The following TYW1B variants were observed in gnomAD, a reference collection of about 807,000 sequenced individuals.
The protein encoded by TYW1B is S-adenosyl-L-methionine-dependent tRNA 4-demethylwyosine synthase TYW1B.
TYW1B carries 73 observed loss-of-function variants against 86.9 expected under a neutral mutation model. That is an observed-to-expected ratio of 0.84 (90% CI 0.70 to 1.02). The LOEUF (loss-of-function observed/expected upper bound fraction) is 1.02. Among genes scored for constraint, TYW1B ranks in the 50% least tolerant of loss-of-function variants. The pLI is 0.00. For missense variants in TYW1B, 637 were observed against 827.4 expected, an observed-to-expected ratio of 0.77 and a Z score of 2.82; for synonymous variants, 248 against 292.8, an observed-to-expected ratio of 0.85 and a Z score of 1.56.
In TYW1B at chr7:72,706,352, G is replaced by A. The variant is rs1554453637; in HGVS notation, c.1370+7269C>T. ...TGAGGCAGGAGAATCACTTGAACCC[G>A]GGAAGTGGAGGTTGTGGTGAGCCGA... On this transcript the variant is annotated intron_variant, in intron 10 of 13. Coordinates refer to ENST00000620995, the MANE Select transcript of TYW1B (RefSeq NM_001145440.3). 4.0e-5 allele frequency among the ~76,000 whole-genome samples: 6 copies of A among 150,118 alleles called. No individual in the cohort carries two copies. The East Asian group carries it at 5.9e-4, about 15-fold the overall frequency.
In TYW1B at chr7:72,793,819, T is replaced by C. The variant is rs567506792; in HGVS notation, c.846+8581A>G. Among the ~76,000 whole-genome samples, 44 of 150,784 alleles carry C rather than the reference T, an allele frequency of 2.9e-4. No individual in the cohort carries two copies. The South Asian group carries it at 6.9e-3, about 24-fold the overall frequency. On this transcript the variant is annotated intron_variant, in intron 6 of 13. Coordinates refer to ENST00000620995, the MANE Select transcript of TYW1B (RefSeq NM_001145440.3). Reference sequence around the variant, plus strand: ...GAAAGAGTAGAGAGCATGGAGGTAATGAGAGAGGGTTTTTGAAGACTTCTC... The same window carrying C: ...GAAAGAGTAGAGAGCATGGAGGTAACGAGAGAGGGTTTTTGAAGACTTCTC...
At chr7:72,675,163 C>T (rs1470448300) in intron 11 of TYW1B, among the ~76,000 whole-genome samples, 1 of 151,916 alleles carries the variant, frequency 6.6e-6, no homozygotes, top group Non-Finnish European at 1.5e-5. Flanking sequence ...CTTTGGGAGG[C>T]CGGGGTGGGT....
chr7:72,815,983 C>T (rs538151744), intron 2 of TYW1B, among the ~76,000 whole-genome samples: 1 of 152,218 alleles, frequency 6.6e-6, no homozygotes, highest in East Asian at 1.9e-4. Context: ...GAGCTATGAT[C>T]ACACCAATGC....
intron 11 of TYW1B, among the ~76,000 whole-genome samples, chr7:72,652,206 C>G (rs151152291): frequency 0.012 from 1,772 of 151,694 alleles, 37 homozygotes; most frequent in African/African-American, 0.041. Context: ...GAAACCCCGC[C>G]TCTACTAAAA....
At chr7:72,603,092 T>TGATG (rs61589472) in intron 13 of TYW1B, among the ~76,000 whole-genome samples, 6,951 of 147,052 alleles carry the variant, frequency 0.047, 199 homozygotes, top group South Asian at 0.061. Context: ...GACAGACAGA[T>TGATG]GATGGATGGA....
At chr7:72,678,509 A>G (rs1813789169) in intron 11 of TYW1B, among the ~76,000 whole-genome samples, 1 of 152,126 alleles carries the variant, frequency 6.6e-6, no homozygotes, top group Non-Finnish European at 1.5e-5. Flanking sequence ...ACACAACAAA[A>G]TGCTCACCCA....
chr7:72,762,788 T>G (rs912383635), intron 7 of TYW1B, among the ~76,000 whole-genome samples: 17 of 152,162 alleles, frequency 1.1e-4, no homozygotes, highest in African/African-American at 4.1e-4. Context: ...GCCTCCTGAG[T>G]AGCTGGGACT....
rs1344589908 is a variant in TYW1B at position 72,689,375 on chromosome 7, G to T, written c.1506+5312C>A. ...AAAGTCTCAATGCCACCAATTAAAT[G>T]CAACATGTCATTTCTGGCTGCATTC... On this transcript the variant is annotated intron_variant, in intron 11 of 13. Coordinates refer to ENST00000620995, the MANE Select transcript of TYW1B (RefSeq NM_001145440.3). 1.9e-4 allele frequency among the ~76,000 whole-genome samples: 29 copies of T among 152,222 alleles called. 1 individual carries two copies. The highest frequency in any genetic ancestry group is 6.7e-4 in the African/African-American group (28 of 41,550).
chr7:72,820,412 G>A (rs1449244902), intron 2 of TYW1B, among the ~76,000 whole-genome samples: 1 of 152,150 alleles, frequency 6.6e-6, no homozygotes, highest in Non-Finnish European at 1.5e-5. Context: ...CTTACAAGAG[G>A]TCCTTAAGGA....
intron 10 of TYW1B, among the ~76,000 whole-genome samples, chr7:72,707,718 A>G (rs1464635153): frequency 2.6e-5 from 4 of 152,138 alleles, no homozygotes; most frequent in Non-Finnish European, 4.4e-5. Flanking sequence ...TGGACCACTC[A>G]CTGTGAAAAC....
At chr7:72,828,046 G>T in intron 1 of TYW1B, 26 bp downstream of exon 1, 2 of 1,613,730 alleles carry the variant, frequency 1.2e-6, no homozygotes, top group Non-Finnish European at 1.7e-6. Context: ...GCCGCCCCAG[G>T]GTCCTTGCCC....
intron 13 of TYW1B, among the ~76,000 whole-genome samples, chr7:72,576,641 T>G (rs1811029039): frequency 6.6e-6 from 1 of 151,874 alleles, no homozygotes; most frequent in Non-Finnish European, 1.5e-5. Flanking sequence ...GCCTCCTGAG[T>G]AGCTGGGACT....
chr7:72,579,941 G>A (rs770573509), intron 13 of TYW1B, among the ~76,000 whole-genome samples: 94 of 152,114 alleles, frequency 6.2e-4, no homozygotes, highest in Non-Finnish European at 1.1e-3. Flanking sequence ...ATGAGCCACC[G>A]CACCCAGCCC....
At chr7:72,610,721 C>T (rs1811913982) in intron 13 of TYW1B, among the ~76,000 whole-genome samples, 1 of 152,234 alleles carries the variant, frequency 6.6e-6, no homozygotes, top group South Asian at 2.1e-4. Context: ...AAGTGAGTCT[C>T]CCGCCTCAGC....
rs1478689381 is a variant in TYW1B at position 72,777,573 on chromosome 7, G to A, written c.847-40C>T. 1.9e-6 allele frequency: 3 copies of A among 1,609,890 alleles called. No homozygotes were observed. The African/African-American group carries it at 4.0e-5, about 22-fold the overall frequency. ...AAGAATGAAATCCAGAATTGGCAAT[G>A]TGCAATGTAAATAACAGCACAATCA... On this transcript the variant is annotated intron_variant, in intron 6 of 13. Transcript: ENST00000620995.
chr7:72,604,073 T>C (rs1811740133), intron 13 of TYW1B, among the ~76,000 whole-genome samples: 2 of 152,150 alleles, frequency 1.3e-5, no homozygotes, highest in Non-Finnish European at 1.5e-5. Context: ...AAGATGCTAA[T>C]AGGACAAATC....
At chr7:72,787,795 A>T (rs1420950323) in intron 6 of TYW1B, among the ~76,000 whole-genome samples, 3 of 82,588 alleles carry the variant, frequency 3.6e-5, no homozygotes, top group South Asian at 3.9e-4. Context: ...GTAATTAAAA[A>T]ATAATAAAAT....
chr7:72,814,101 C>T (rs1370300024), intron 3 of TYW1B, among the ~76,000 whole-genome samples: 1 of 152,072 alleles, frequency 6.6e-6, no homozygotes, highest in Non-Finnish European at 1.5e-5. Context: ...ATACTCTCTG[C>T]TCTTGACCTT....
chr7:72,649,786 C>A (rs1375839465), intron 11 of TYW1B, among the ~76,000 whole-genome samples: 1 of 152,178 alleles, frequency 6.6e-6, no homozygotes, highest in African/African-American at 2.4e-5. Context: ...AGAAATATTA[C>A]TTGTACCAAT....
Sources: gnomAD v4.1 joint callset for allele counts (sites outside exome capture counted in the v4.1 genomes callset) on GRCh38, gnomAD v4.1.1 for gene constraint, MANE v1.5 for transcripts, NCBI Gene and HGNC (gene_info 2026-07-23, HGNC 2026-07-21) for gene names.